Variants in EDDM13 observed in about 807,000 individuals in gnomAD.
The protein encoded by EDDM13 is epididymal protein 13.
In EDDM13, 24 loss-of-function variants were observed where a neutral mutation model predicts 17.8. The ratio of observed to expected loss-of-function variants is 1.35; its 90% CI spans 0.98 to 1.90. The LOEUF is 1.90. EDDM13 is among the 40% of genes most tolerant of loss of function. The pLI is 0.00. For missense variants in EDDM13, 97 were observed against 100.8 expected, an observed-to-expected ratio of 0.96 and a Z score of 0.16; for synonymous variants, 31 against 37.5, an observed-to-expected ratio of 0.83 and a Z score of 0.63.
chr19:56,287,269 A>G (rs1319268012), intron 6 of EDDM13, among the ~76,000 whole-genome samples: 1 of 152,198 alleles, frequency 6.6e-6, no homozygotes, highest in Admixed American at 6.5e-5. Context: ...CCCCCAAGAA[A>G]TGTGTTGTGG....
At chr19:56,291,548 C>T (rs1240863551) in intron 9 of EDDM13, among the ~76,000 whole-genome samples, 4 of 151,934 alleles carry the variant, frequency 2.6e-5, no homozygotes, top group African/African-American at 4.8e-5. Flanking sequence ...TTTTCCTCTC[C>T]TCTCCTTCCT....
intron 9 of EDDM13, among the ~76,000 whole-genome samples, chr19:56,291,726 C>T (rs958013012): frequency 4.6e-5 from 7 of 152,098 alleles, no homozygotes; most frequent in Non-Finnish European, 1.0e-4. Context: ...GATCAACTCT[C>T]AGCTTTTGAC....
At chr19:56,303,534 C>T (rs746911541) in intron 13 of EDDM13, among the ~76,000 whole-genome samples, 5 of 150,498 alleles carry the variant, frequency 3.3e-5, no homozygotes, top group Non-Finnish European at 5.9e-5. Context: ...GGGAGGGAGG[C>T]AAGACGGAAG....
At chr19:56,278,977 C>G (rs1483161961) in intron 2 of EDDM13, among the ~76,000 whole-genome samples, 2 of 152,226 alleles carry the variant, frequency 1.3e-5, no homozygotes, top group African/African-American at 4.8e-5. Flanking sequence ...AGTCTTCCAA[C>G]TCACACCCCA....
At chr19:56,294,253 G>A (rs1402354137) in intron 9 of EDDM13, among the ~76,000 whole-genome samples, 1 of 152,204 alleles carries the variant, frequency 6.6e-6, no homozygotes, top group Admixed American at 6.5e-5. Flanking sequence ...TGTACTGGGC[G>A]ATTCACGTGG....
chr19:56,293,245 G>A (rs116355888), intron 9 of EDDM13, among the ~76,000 whole-genome samples: 66 of 152,304 alleles, frequency 4.3e-4, no homozygotes, highest in African/African-American at 1.4e-3. Flanking sequence ...CCAAGTCATC[G>A]TCCTTGTTTT....
chr19:56,276,760 C>T (rs11673002), intron 2 of EDDM13, among the ~76,000 whole-genome samples: 63,723 of 151,636 alleles, frequency 0.42, 14,540 homozygotes, highest in Non-Finnish European at 0.51. Flanking sequence ...TGGTCTCGAA[C>T]TCCTGACCTC....
rs116992291 is a variant in EDDM13, at chr19:56,307,635, C to T, written c.462-2489C>T. On this transcript the variant is annotated intron_variant, in intron 14 of 14. Transcript: ENST00000649256. ...TGTTCATACGGAGAAAAATCTGAGCCCACAGAGATAAGTCACTGCAAATGC... is the reference window on the plus strand; with the variant it reads ...TGTTCATACGGAGAAAAATCTGAGCTCACAGAGATAAGTCACTGCAAATGC... Among the ~76,000 whole-genome samples, 239 of 152,144 alleles carry T rather than the reference C, an allele frequency of 1.6e-3. 2 individuals carry two copies. The East Asian group carries it at 0.032, about 20-fold the overall frequency.
At chr19:56,286,343 G>C (rs1015047895) in intron 6 of EDDM13, 1 of 151,962 alleles carries the variant, frequency 6.6e-6, no homozygotes, top group East Asian at 1.9e-4. Flanking sequence ...TTGATAATGT[G>C]GTGGCCAAAA....
chr19:56,279,045 A>T (rs1037978746), intron 2 of EDDM13, among the ~76,000 whole-genome samples: 6 of 152,078 alleles, frequency 3.9e-5, no homozygotes, highest in Non-Finnish European at 7.4e-5. Context: ...ATTCTAATCA[A>T]ATGCCAAACC....
At chr19:56,302,847 T>A (rs1226269649) in intron 13 of EDDM13, 1 of 398,570 alleles carries the variant, frequency 2.5e-6, no homozygotes, top group East Asian at 3.6e-5. Context: ...CTAAGGGACG[T>A]TCATAAGGAC....
intron 14 of EDDM13, among the ~76,000 whole-genome samples, chr19:56,308,331 C>T (rs1235715255): frequency 1.4e-5 from 2 of 144,668 alleles, no homozygotes; most frequent in Admixed American, 6.9e-5. Context: ...GGCTCCCAGT[C>T]TTTTTTTTTT....
At chr19:56,304,696 G>A (rs1398632489) in intron 13 of EDDM13, 97 bp from the exon 14 acceptor site, 4 of 695,592 alleles carry the variant, frequency 5.8e-6, no homozygotes, top group African/African-American at 3.9e-5. Context: ...GGAAAGAAGC[G>A]AGAGGGGGAT....
intron 9 of EDDM13, among the ~76,000 whole-genome samples, chr19:56,292,705 A>G (rs2039601266): frequency 6.6e-6 from 1 of 152,100 alleles, no homozygotes. Context: ...AGTACCCATT[A>G]AACAGTCAGT....
At chr19:56,302,515 T>TCCCTCCCTCCC (rs1354736929) in intron 13 of EDDM13, among the ~76,000 whole-genome samples, 1 of 26,434 alleles carries the variant, frequency 3.8e-5, no homozygotes, top group Non-Finnish European at 8.4e-5. Flanking sequence ...CCTTCTTTCC[T>TCCCTCCCTCCC]TCCTCCCTCC....
At chr19:56,301,089 C>A (rs2040198280) in intron 12 of EDDM13, among the ~76,000 whole-genome samples, 1 of 152,016 alleles carries the variant, frequency 6.6e-6, no homozygotes, top group Non-Finnish European at 1.5e-5. Flanking sequence ...CCGATCAAGA[C>A]CCCCAGAGAG....
intron 12 of EDDM13, among the ~76,000 whole-genome samples, chr19:56,298,674 T>A (rs1433271705): frequency 1.3e-5 from 2 of 151,046 alleles, no homozygotes; most frequent in African/African-American, 4.9e-5. Flanking sequence ...AAAATCTGAA[T>A]AATCCTCTAT....
At chr19:56,308,986 A>C (rs1247518189) in intron 14 of EDDM13, among the ~76,000 whole-genome samples, 2 of 152,252 alleles carry the variant, frequency 1.3e-5, no homozygotes, top group African/African-American at 4.8e-5. Flanking sequence ...TTTTCAGGTC[A>C]TATGGTCTGT....
intron 5 of EDDM13, among the ~76,000 whole-genome samples, 171 bp from the exon 6 acceptor site, chr19:56,284,823 TGATA>T (rs1176215311): frequency 6.6e-6 from 1 of 152,102 alleles, no homozygotes; most frequent in East Asian, 1.9e-4. Flanking sequence ...TTGCTATGAT[TGATA>T]GAGGTAGGAA....
Sources: allele counts gnomAD v4.1 joint callset (sites outside exome capture counted in the v4.1 genomes callset), GRCh38; gene constraint gnomAD v4.1.1; transcripts MANE v1.5; gene names NCBI Gene and HGNC (gene_info 2026-07-23, HGNC 2026-07-21).